Variants in REV3L observed in about 807,000 individuals in gnomAD.
REV3L encodes the protein REV3 like, DNA directed polymerase zeta catalytic subunit, also known as DNA polymerase zeta catalytic subunit.
Under a neutral mutation model 299.4 loss-of-function variants are expected in REV3L, and 69 were observed. That is an observed-to-expected ratio of 0.23 (90% CI 0.19 to 0.28). REV3L has a LOEUF of 0.28. Ranked by LOEUF, REV3L falls within the 10% of genes least tolerant of loss-of-function variation. The probability of loss-of-function intolerance (pLI) is 1.00; values close to 1 mark genes in which losing one functional copy is unlikely to be tolerated. For synonymous variants in REV3L, 1,238 were observed against 1,271.4 expected, an observed-to-expected ratio of 0.97 and a Z score of 0.56; for missense variants, 3,128 against 3,693.8, an observed-to-expected ratio of 0.85 and a Z score of 3.97.
At chr6:111,475,020 C>T (rs1792757282) in intron 1 of REV3L, among the ~76,000 whole-genome samples, 1 of 137,094 alleles carries the variant, frequency 7.3e-6, no homozygotes. Flanking sequence ...CACACACACA[C>T]ACATATGGAT....
upstream of REV3L, chr6:111,483,530 G>C (rs768175230): frequency 2.0e-6 from 1 of 512,238 alleles, no homozygotes; most frequent in Admixed American, 2.4e-5. Context: ...TGCGGGAGGG[G>C]GGCGCCAGTG....
chr6:111,308,251 T>TA (rs1486728083), intron 30 of REV3L: 2 of 453,916 alleles, frequency 4.4e-6, no homozygotes, highest in Non-Finnish European at 8.8e-6. Context: ...AATCCCTTTG[T>TA]AAAAAAGTTA....
intron 1 of REV3L, among the ~76,000 whole-genome samples, chr6:111,470,620 T>C (rs759363325): frequency 6.6e-6 from 1 of 152,220 alleles, no homozygotes; most frequent in Non-Finnish European, 1.5e-5. Context: ...CACTAAGCAT[T>C]ATCAACTAAG....
intron 1 of REV3L, among the ~76,000 whole-genome samples, chr6:111,471,540 A>G (rs1198084597): frequency 6.6e-6 from 1 of 152,206 alleles, no homozygotes; most frequent in Non-Finnish European, 1.5e-5. Flanking sequence ...TTCTGGAGAT[A>G]AGACAGGTAA....
chr6:111,435,163 T>C (rs1787404931), intron 1 of REV3L, among the ~76,000 whole-genome samples: 1 of 152,134 alleles, frequency 6.6e-6, no homozygotes, highest in Non-Finnish European at 1.5e-5. Flanking sequence ...CTGTATGTAA[T>C]TGCACCACTG....
chr6:111,443,633 A>G (rs990778977), intron 1 of REV3L, among the ~76,000 whole-genome samples: 1 of 152,186 alleles, frequency 6.6e-6, no homozygotes, highest in Non-Finnish European at 1.5e-5. Context: ...TGGAATTTCT[A>G]CTGAATGCCT....
chr6:111,360,836 A>C (rs1429133219), intron 16 of REV3L: 1 of 152,074 alleles, frequency 6.6e-6, no homozygotes, highest in African/African-American at 2.4e-5. Context: ...CATAATAATA[A>C]AACAAATACA....
At chr6:111,347,264 G>A (rs928707827) in intron 20 of REV3L, among the ~76,000 whole-genome samples, 14 of 150,930 alleles carry the variant, frequency 9.3e-5, no homozygotes, top group African/African-American at 2.2e-4. Flanking sequence ...GCAAGACTCC[G>A]TCTCATAAAT....
At position 111,430,863 on chromosome 6, in the gene REV3L, G is replaced by T. The variant is rs550650265; in HGVS notation, c.140-14391C>A. ...AAATTGGAAAGAAGAAAACCAGACG[G>T]AACAACAATGTTGGGACTTCTCCAT... On this transcript the variant is annotated intron_variant, in intron 1 of 31. Transcript: ENST00000368802. 4 of 1,605,230 alleles carry T rather than the reference G, an allele frequency of 2.5e-6. No individual in the cohort carries two copies. The East Asian group carries it at 6.7e-5, about 27-fold the overall frequency.
chr6:111,364,697 A>G (rs1298172964), intron 15 of REV3L, among the ~76,000 whole-genome samples: 1 of 152,060 alleles, frequency 6.6e-6, no homozygotes, highest in African/African-American at 2.4e-5. Context: ...GATTTCTAGC[A>G]TATATTTCCA....
rs781393346 is a variant in REV3L, at chr6:111,313,485, T to C, written c.8471A>G (p.Tyr2824Cys). ...KPVKLKFEKV[Y>C]LPCVLQTKKR... The stretch of plus-strand genomic sequence containing the variant: ...TTTTGTTTGTAAAACACAGGGCAAA[T>C]ATACCTGTGGTAAAATTAATAAAAT... Residue 2824 changes from tyrosine to cysteine, a missense_variant, in exon 28 of 32, where the codon TAT (tyrosine) becomes TGT (cysteine). By Grantham distance (194) the Tyr-to-Cys change is radical (BLOSUM62 -2). Transcript: ENST00000368802. 1 of 1,601,194 alleles carries C rather than the reference T, an allele frequency of 6.2e-7. No individual in the cohort carries two copies. Among genetic ancestry groups the C allele is most frequent in the South Asian group, 1.1e-5 (1 of 87,782 alleles).
chr6:111,482,123 G>A (rs142517351), intron 1 of REV3L, among the ~76,000 whole-genome samples: 193 of 152,292 alleles, frequency 1.3e-3, no homozygotes, highest in African/African-American at 4.4e-3. Flanking sequence ...CCGACGCTCA[G>A]GCACTAAACT....
chr6:111,412,243 C>A (rs897150450), intron 2 of REV3L: 1 of 985,038 alleles, frequency 1.0e-6, no homozygotes. Flanking sequence ...AGACCATGGA[C>A]TTACTTAAGC....
At chr6:111,472,190 T>C (rs916962021) in intron 1 of REV3L, 17 of 1,162,220 alleles carry the variant, frequency 1.5e-5, no homozygotes, top group African/African-American at 3.3e-5. Context: ...AAACTGCGAG[T>C]ATGCCAACAT....
intron 1 of REV3L, among the ~76,000 whole-genome samples, chr6:111,453,635 A>G (rs1390368640): frequency 6.6e-6 from 1 of 152,186 alleles, no homozygotes; most frequent in Non-Finnish European, 1.5e-5. Flanking sequence ...TATTAATTTT[A>G]GTTAATATTT....
intron 20 of REV3L, among the ~76,000 whole-genome samples, chr6:111,347,847 C>T (rs1248307579): frequency 6.6e-6 from 1 of 152,128 alleles, no homozygotes; most frequent in East Asian, 1.9e-4. Flanking sequence ...CCTGAGCCTC[C>T]TGAGAAGCTG....
chr6:111,311,039 AT>A (rs746876069), intron 29 of REV3L, 29 bp downstream of exon 29: 1 of 1,570,622 alleles, frequency 6.4e-7, no homozygotes, highest in South Asian at 1.2e-5. Flanking sequence ...TCTCAGGACT[AT>A]CCTGGCAAGG....
At chr6:111,316,977 A>G (rs1195313443) in intron 26 of REV3L, among the ~76,000 whole-genome samples, 1 of 152,184 alleles carries the variant, frequency 6.6e-6, no homozygotes, top group Non-Finnish European at 1.5e-5. Flanking sequence ...CTTTTTTTCT[A>G]TTTCAGTATA....
intron 9 of REV3L, among the ~76,000 whole-genome samples, chr6:111,386,270 T>C (rs542870248): frequency 1.3e-5 from 2 of 152,290 alleles, no homozygotes; most frequent in Admixed American, 1.3e-4. Flanking sequence ...TGTTGTTTAG[T>C]CTTAAAATGG....
Sources: gnomAD v4.1 joint callset for allele counts (sites outside exome capture counted in the v4.1 genomes callset) on GRCh38, gnomAD v4.1.1 for gene constraint, MANE v1.5 for transcripts, NCBI Gene and HGNC (gene_info 2026-07-23, HGNC 2026-07-21) for gene names.